Variants in DIAPH2 observed in about 807,000 individuals in gnomAD.
DIAPH2 encodes the protein protein diaphanous homolog 2.
DIAPH2 carries 35 observed loss-of-function variants against 92.7 expected under a neutral mutation model. That is an observed-to-expected ratio of 0.38 (90% CI 0.29 to 0.50). DIAPH2 has a LOEUF of 0.50. DIAPH2 is among the 20% of genes least tolerant of loss of function. DIAPH2 has a pLI of 0.94. For missense variants in DIAPH2, 701 were observed against 819.5 expected (o/e 0.86, Z 1.77); for synonymous variants, 301 against 280.4 (o/e 1.07, Z -0.73).
chrX:97,240,922 C>T lies in DIAPH2; in HGVS notation c.2720-6793C>T, dbSNP rs188815209. Among the ~76,000 whole-genome samples, 64 of 111,714 alleles carry T rather than the reference C, an allele frequency of 5.7e-4. No individual in the cohort carries two copies. In the Admixed American group the frequency reaches 6.1e-3, roughly 11 times the overall value. On this transcript the variant is annotated intron_variant, in intron 22 of 26. Transcript: ENST00000324765. ...AAATGAAGGCCTAGAGAAGCTAAGT[C>T]ATTGGCTTAAGATAACCTAACTAGT... is the stretch of plus-strand genomic sequence containing the variant.
chrX:97,445,890 G>A (rs1181098186), intron 26 of DIAPH2, among the ~76,000 whole-genome samples: 2 of 109,192 alleles, frequency 1.8e-5, no homozygotes, highest in African/African-American at 6.7e-5. Flanking sequence ...TTAAGTCTCA[G>A]CATTCTGTCT....
At chrX:97,444,712 G>A (rs2147789097) in intron 26 of DIAPH2, among the ~76,000 whole-genome samples, 1 of 111,728 alleles carries the variant, frequency 9.0e-6, no homozygotes, top group East Asian at 2.8e-4. Flanking sequence ...AATGAGAAAT[G>A]ACAGCGCTTT....
chrX:97,137,633 A>G (rs1488741705), intron 21 of DIAPH2, among the ~76,000 whole-genome samples: 1 of 110,620 alleles, frequency 9.0e-6, no homozygotes, highest in African/African-American at 3.3e-5. Context: ...ATAAAAAGGA[A>G]CAAAAAGGAA....
chrX:96,836,717 ATTTTTTTTTTTTTTT>A (rs1172979194), intron 4 of DIAPH2, among the ~76,000 whole-genome samples: 1 of 18,903 alleles, frequency 5.3e-5, no homozygotes, highest in African/African-American at 2.1e-4. Context: ...ATATATATAT[ATTTTTTTTTTTTTTT>A]TTTTTTTTTT....
intron 26 of DIAPH2, among the ~76,000 whole-genome samples, chrX:97,576,118 G>A (rs1056517869): frequency 9.0e-6 from 1 of 111,176 alleles, no homozygotes; most frequent in African/African-American, 3.3e-5. Context: ...GTAAGGAAAA[G>A]GGGGTTGGAA....
intron 22 of DIAPH2, among the ~76,000 whole-genome samples, chrX:97,206,117 A>T (rs1206269593): frequency 9.0e-6 from 1 of 111,042 alleles, no homozygotes. Context: ...GAACACATGG[A>T]TACAGGGAGG....
chrX:97,322,903 C>CTTTTTTTT (rs1160046333), intron 23 of DIAPH2, among the ~76,000 whole-genome samples: 2 of 76,900 alleles, frequency 2.6e-5, no homozygotes, highest in African/African-American at 4.9e-5. Context: ...TATCCCAGTT[C>CTTTTTTTT]TTTTTTTTTT....
intron 4 of DIAPH2, among the ~76,000 whole-genome samples, chrX:96,766,861 T>A (rs2064307354): frequency 8.9e-6 from 1 of 112,310 alleles, no homozygotes; most frequent in Non-Finnish European, 1.9e-5. Flanking sequence ...GTCTTTACTT[T>A]TCACTATCCT....
chrX:97,322,697 CAAAA>C (rs752314253), intron 23 of DIAPH2, among the ~76,000 whole-genome samples: 1 of 107,476 alleles, frequency 9.3e-6, no homozygotes, highest in African/African-American at 3.4e-5. Flanking sequence ...AAAAAACAAA[CAAAA>C]AAAAACCCTT....
chrX:97,310,523 T>C (rs1220458673), intron 23 of DIAPH2, among the ~76,000 whole-genome samples: 1 of 111,624 alleles, frequency 9.0e-6, no homozygotes, highest in Middle Eastern at 4.2e-3. Flanking sequence ...CATGCAGATA[T>C]GTGGGGAAAG....
At chrX:97,370,026 G>C (rs369189067) in intron 24 of DIAPH2, among the ~76,000 whole-genome samples, 46 of 111,460 alleles carry the variant, frequency 4.1e-4, no homozygotes, top group African/African-American at 1.5e-3. Flanking sequence ...TGCTTCTTTT[G>C]ATGATCCCTA....
rs766922847 is a variant in DIAPH2, at chrX:97,568,665, G to A, written c.3242-30588G>A. On this transcript the variant is annotated intron_variant, in intron 26 of 26. Transcript: ENST00000324765. ...AACTGTCTTGTGTAACAAAAGGAAA[G>A]GAGAACATCTGGGAGGAGAAAGGAA... Among the ~76,000 whole-genome samples, 7 of 111,822 alleles carry A rather than the reference G, an allele frequency of 6.3e-5. No individual in the cohort carries two copies. The South Asian group carries it at 2.7e-3, about 42-fold the overall frequency.
intron 20 of DIAPH2, among the ~76,000 whole-genome samples, chrX:97,102,386 G>A (rs949679910): frequency 9.0e-6 from 1 of 111,515 alleles, no homozygotes; most frequent in African/African-American, 3.3e-5. Flanking sequence ...AAAGCAGTTT[G>A]ACTTCAAAAC....
At chrX:97,384,142 C>T in intron 25 of DIAPH2, 98 bp downstream of exon 25, 1 of 744,399 alleles carries the variant, frequency 1.3e-6, no homozygotes, top group Non-Finnish European at 1.9e-6. Context: ...ATAGAAAATT[C>T]ACAATAGTAT....
intron 4 of DIAPH2, among the ~76,000 whole-genome samples, chrX:96,877,581 G>A (rs1172176332): frequency 9.0e-6 from 1 of 111,678 alleles, no homozygotes; most frequent in Non-Finnish European, 1.9e-5. Context: ...GAACCATAAA[G>A]CCTTTTCCCA....
chrX:97,105,514 G>A (rs894902813), intron 20 of DIAPH2, among the ~76,000 whole-genome samples: 3 of 111,346 alleles, frequency 2.7e-5, no homozygotes, highest in Non-Finnish European at 5.6e-5. Flanking sequence ...ATTATGTGCT[G>A]TACCTTTACT....
intron 22 of DIAPH2, among the ~76,000 whole-genome samples, chrX:97,228,355 G>A (rs895655160): frequency 1.8e-5 from 2 of 111,767 alleles, no homozygotes; most frequent in African/African-American, 6.5e-5. Flanking sequence ...AATCATTGGG[G>A]TCATATGCTA....
intron 23 of DIAPH2, among the ~76,000 whole-genome samples, chrX:97,272,531 G>A (rs1441681459): frequency 9.0e-6 from 1 of 111,674 alleles, no homozygotes; most frequent in African/African-American, 3.2e-5. Context: ...ATGACTCTAG[G>A]ATGAGAACTA....
In DIAPH2 at chrX:96,845,576, C is replaced by T. The variant is rs779028211; in HGVS notation, c.448-36003C>T. On this transcript the variant is annotated intron_variant, in intron 4 of 26. Transcript: ENST00000324765. ...TTGTTTCTGTCTCTGTTAATCCTAA[C>T]ACACAATTACTCTATGTAGGGAAGC... 3.6e-5 allele frequency among the ~76,000 whole-genome samples: 4 copies of T among 112,111 alleles called. No homozygotes were observed. The East Asian group carries it at 8.4e-4, about 24-fold the overall frequency.
Sources: allele counts gnomAD v4.1 joint callset (sites outside exome capture counted in the v4.1 genomes callset), GRCh38; gene constraint gnomAD v4.1.1; transcripts MANE v1.5; gene names NCBI Gene and HGNC (gene_info 2026-07-23, HGNC 2026-07-21).